Variants in CNBD1 observed in about 807,000 individuals in gnomAD.
CNBD1 encodes cyclic nucleotide-binding domain-containing protein 1.
A neutral mutation model predicts 54.4 loss-of-function variants in CNBD1; 71 were observed. The ratio of observed to expected loss-of-function variants is 1.30; its 90% CI spans 1.08 to 1.59. The LOEUF is 1.59. Ranked by LOEUF, CNBD1 falls within the 40% of genes most tolerant of loss-of-function variation. The probability of loss-of-function intolerance (pLI) is 0.00; values close to 1 mark genes in which losing one functional copy is unlikely to be tolerated. For missense variants in CNBD1, 659 were observed against 518.0 expected, an observed-to-expected ratio of 1.27 and a Z score of -2.64; for synonymous variants, 182 against 170.7, an observed-to-expected ratio of 1.07 and a Z score of -0.51.
intron 8 of CNBD1, among the ~76,000 whole-genome samples, chr8:87,293,894 G>T (rs1232719688): frequency 6.6e-6 from 1 of 152,144 alleles, no homozygotes; most frequent in Non-Finnish European, 1.5e-5. Context: ...TAGAATAGTT[G>T]ATCAAACAGC....
At chr8:87,377,882 T>C (rs1268860264) in intron 10 of CNBD1, among the ~76,000 whole-genome samples, 5 of 151,566 alleles carry the variant, frequency 3.3e-5, no homozygotes, top group African/African-American at 4.9e-5. Context: ...GTGGTTTCGA[T>C]TTGCATTTCT....
At chr8:87,143,180 C>T (rs1408958656) in intron 4 of CNBD1, among the ~76,000 whole-genome samples, 2 of 152,166 alleles carry the variant, frequency 1.3e-5, no homozygotes, top group African/African-American at 4.8e-5. Flanking sequence ...GCTTTTGTAG[C>T]TATGGTATAG....
chr8:87,395,184 A>G (rs981892773), intron 2 of CNBD1, among the ~76,000 whole-genome samples: 1 of 151,918 alleles, frequency 6.6e-6, no homozygotes, highest in Non-Finnish European at 1.5e-5. Flanking sequence ...CTCTACTTTC[A>G]TTAGTACCAC....
intron 3 of CNBD1, among the ~76,000 whole-genome samples, chr8:86,934,548 C>T (rs770708359): frequency 1.3e-5 from 2 of 152,112 alleles, no homozygotes; most frequent in Non-Finnish European, 2.9e-5. Context: ...AAGCAATATC[C>T]ATGACGTTTC....
intron 4 of CNBD1, among the ~76,000 whole-genome samples, chr8:87,036,620 G>A (rs74484594): frequency 9.8e-4 from 97 of 98,736 alleles, no homozygotes; most frequent in African/African-American, 2.3e-3. Flanking sequence ...AAAAAAAAAA[G>A]ATTGGTCACA....
At chr8:87,058,916 C>G (rs892374912) in intron 4 of CNBD1, among the ~76,000 whole-genome samples, 1 of 152,178 alleles carries the variant, frequency 6.6e-6, no homozygotes, top group African/African-American at 2.4e-5. Context: ...ATGGGGTTTT[C>G]TTTTCTATTG....
intron 4 of CNBD1, among the ~76,000 whole-genome samples, chr8:87,075,788 A>G (rs1810856698): frequency 6.6e-6 from 1 of 152,032 alleles, no homozygotes; most frequent in Non-Finnish European, 1.5e-5. Flanking sequence ...CGAATGTTTT[A>G]ATCTTTTTAT....
chr8:87,315,877 A>T (rs1332368842), intron 8 of CNBD1, among the ~76,000 whole-genome samples: 1 of 152,122 alleles, frequency 6.6e-6, no homozygotes, highest in Non-Finnish European at 1.5e-5. Flanking sequence ...ATCACAAAAA[A>T]GAATAAATGT....
chr8:87,304,199 C>T (rs549223861), intron 8 of CNBD1, among the ~76,000 whole-genome samples: 178 of 151,612 alleles, frequency 1.2e-3, no homozygotes, highest in South Asian at 1.9e-3. Flanking sequence ...ATGTTTATTG[C>T]GGCACTATTC....
intron 10 of CNBD1, among the ~76,000 whole-genome samples, chr8:87,380,232 G>A (rs1811046680): frequency 6.6e-6 from 1 of 151,828 alleles, no homozygotes; most frequent in Admixed American, 6.6e-5. Context: ...AAATGTAATA[G>A]CTTCTCTACC....
intron 4 of CNBD1, among the ~76,000 whole-genome samples, chr8:87,165,766 A>G (rs754117345): frequency 2.0e-5 from 3 of 152,020 alleles, no homozygotes; most frequent in Non-Finnish European, 4.4e-5. Flanking sequence ...TGAATAAGTC[A>G]CTAAATTCTG....
chr8:86,931,434 G>A (rs1210036966), intron 3 of CNBD1, among the ~76,000 whole-genome samples: 1 of 152,046 alleles, frequency 6.6e-6, no homozygotes, highest in Non-Finnish European at 1.5e-5. Flanking sequence ...GATTGCCTCG[G>A]CATAGTGGAC....
intron 4 of CNBD1, among the ~76,000 whole-genome samples, chr8:86,953,707 C>T (rs1428442649): frequency 6.6e-6 from 1 of 151,762 alleles, no homozygotes; most frequent in Non-Finnish European, 1.5e-5. Context: ...GTCTCTACAA[C>T]AATACAAAAA....
intron 10 of CNBD1, among the ~76,000 whole-genome samples, chr8:87,379,108 A>C (rs1811017949): frequency 1.3e-5 from 2 of 151,534 alleles, no homozygotes; most frequent in Non-Finnish European, 2.9e-5. Flanking sequence ...AAACAGGGAC[A>C]ATTTGACTTC....
chr8:87,276,864 G>T (rs1445004406), intron 6 of CNBD1, among the ~76,000 whole-genome samples: 1 of 151,674 alleles, frequency 6.6e-6, no homozygotes, highest in African/African-American at 2.4e-5. Flanking sequence ...AGAACTTACA[G>T]GAACCTTAGA....
At chr8:87,414,150 A>C (rs1050464155) in intron 2 of CNBD1, among the ~76,000 whole-genome samples, 3 of 152,014 alleles carry the variant, frequency 2.0e-5, no homozygotes, top group Admixed American at 2.0e-4. Context: ...AGACTGGATT[A>C]AGAAAATGTG....
chr8:87,369,383 C>G (rs1810712112), intron 10 of CNBD1, among the ~76,000 whole-genome samples: 1 of 151,974 alleles, frequency 6.6e-6, no homozygotes, highest in African/African-American at 2.4e-5. Context: ...TTTATACTTA[C>G]CTATGTAATT....
chr8:87,338,549 A>G (rs577455167), intron 8 of CNBD1, among the ~76,000 whole-genome samples: 1 of 151,478 alleles, frequency 6.6e-6, no homozygotes, highest in Non-Finnish European at 1.5e-5. Flanking sequence ...ATGATTTCTG[A>G]GAAGTCAGAT....
At chr8:87,070,547 T>C (rs1810740129) in intron 4 of CNBD1, among the ~76,000 whole-genome samples, 1 of 152,130 alleles carries the variant, frequency 6.6e-6, no homozygotes, top group Non-Finnish European at 1.5e-5. Flanking sequence ...AAAAATACTA[T>C]GTATGACTTT....
Sources: gnomAD v4.1 joint callset for allele counts (sites outside exome capture counted in the v4.1 genomes callset) on GRCh38, gnomAD v4.1.1 for gene constraint, MANE v1.5 for transcripts, NCBI Gene and HGNC (gene_info 2026-07-23, HGNC 2026-07-21) for gene names.